The following ESR2 variants were observed in gnomAD, a reference collection of about 807,000 sequenced individuals.
The protein encoded by ESR2 is estrogen receptor beta.
A neutral mutation model predicts 49.6 loss-of-function variants in ESR2; 36 were observed. That is an observed-to-expected ratio of 0.73 (90% CI 0.56 to 0.96). ESR2 has a LOEUF of 0.96. Among genes scored for constraint, ESR2 ranks in the 40% least tolerant of loss-of-function variants. The probability of loss-of-function intolerance (pLI) is 0.00; values close to 1 mark genes in which losing one functional copy is unlikely to be tolerated. For synonymous variants in ESR2, 320 were observed against 266.1 expected (o/e 1.20, Z -1.97); for missense variants, 714 against 693.0 (o/e 1.03, Z -0.34).
intron 1 of ESR2, among the ~76,000 whole-genome samples, chr14:64,302,744 G>C (rs552352033): frequency 7.6e-4 from 116 of 152,294 alleles, no homozygotes; most frequent in Middle Eastern, 3.4e-3. Context: ...ACAAGCTTCA[G>C]CAGCATGCAA....
intron 3 of ESR2, among the ~76,000 whole-genome samples, chr14:64,275,384 C>T (rs1247429467): frequency 6.6e-6 from 1 of 152,010 alleles, no homozygotes; most frequent in East Asian, 1.9e-4. Flanking sequence ...TTGGTCTGGT[C>T]TAAGTATAGC....
chr14:64,330,717 C>T (rs2077444949), intron 1 of ESR2: 1 of 152,148 alleles, frequency 6.6e-6, no homozygotes, highest in Non-Finnish European at 1.5e-5. Flanking sequence ...ACAGAAACAT[C>T]CAGAATAATG....
chr14:64,297,975 T>C (rs778004198), upstream of ESR2, among the ~76,000 whole-genome samples: 5 of 152,202 alleles, frequency 3.3e-5, no homozygotes, highest in Admixed American at 2.6e-4. Flanking sequence ...CCTACACTTA[T>C]GGAATTAATA....
chr14:64,234,894 C>G, intron 8 of ESR2, 76 bp downstream of exon 8: 1 of 1,564,908 alleles, frequency 6.4e-7, no homozygotes, highest in Non-Finnish European at 8.7e-7. Flanking sequence ...AGACACTTTT[C>G]CCAAATCACT....
chr14:64,326,626 C>T (rs1323858070), intron 1 of ESR2, among the ~76,000 whole-genome samples: 1 of 152,048 alleles, frequency 6.6e-6, no homozygotes, highest in Non-Finnish European at 1.5e-5. Flanking sequence ...TCTCAAGAGC[C>T]AGTTTACCAG....
At chr14:64,240,920 G>A (rs1220068387) in intron 7 of ESR2, among the ~76,000 whole-genome samples, 3 of 151,974 alleles carry the variant, frequency 2.0e-5, no homozygotes, top group Admixed American at 1.3e-4. Context: ...CGAGGCGGGC[G>A]GATCACGAGA....
intron 4 of ESR2, among the ~76,000 whole-genome samples, chr14:64,266,175 T>C (rs2076324089): frequency 6.6e-6 from 1 of 152,204 alleles, no homozygotes. Flanking sequence ...CTCTGTCTCA[T>C]GAAACAGTGT....
Position 64,228,528 on chromosome 14 carries a change from A to G in ESR2, c.*4609T>C, listed in dbSNP as rs999656897. Among the ~76,000 whole-genome samples the G allele has an allele frequency of 6.6e-6, 1 of 152,220 alleles. No homozygotes were observed. Among genetic ancestry groups the G allele is most frequent in the African/African-American group, 2.4e-5 (1 of 41,452 alleles). Reference sequence around the variant, plus strand: ...ATGAAGTCAACAAATTAGTGTAATGATACAAAGCATTCGTCTGAGAAAATG... The same window carrying G: ...ATGAAGTCAACAAATTAGTGTAATGGTACAAAGCATTCGTCTGAGAAAATG... On this transcript the variant is annotated 3_prime_UTR_variant, in exon 9 of 9. Transcript: ENST00000341099.
intron 1 of ESR2, among the ~76,000 whole-genome samples, chr14:64,283,894 C>G (rs2076737118): frequency 6.6e-6 from 1 of 151,308 alleles, no homozygotes; most frequent in Non-Finnish European, 1.5e-5. Context: ...TGTCACTTAT[C>G]AATCTGTTGC....
chr14:64,249,556 C>A lies in ESR2; in HGVS notation c.1215G>T (p.Leu405=), dbSNP rs778878210. The change falls in exon 7 of 9, where the codon CTG becomes CTT. Residue 405 remains leucine (L), a synonymous_variant. Transcript: ENST00000341099. ...TGTGTGATTACTTACTGGAATTGAG[C>A]AGGATCATGGCCTTGACACAGAGAT... The part of the protein sequence containing the change: ...KEYLCVKAMI[L]LNSSMYPLVT... The A allele has an allele frequency of 6.2e-7, 1 of 1,613,592 alleles. No homozygotes were observed. The highest frequency in any genetic ancestry group is 1.1e-5 in the South Asian group (1 of 90,940).
intron 1 of ESR2, among the ~76,000 whole-genome samples, chr14:64,292,646 A>G (rs571298128): frequency 1.3e-5 from 2 of 152,326 alleles, no homozygotes; most frequent in East Asian, 3.9e-4. Context: ...ATCCATATTT[A>G]TATTCTATAA....
At chr14:64,242,367 C>T (rs2075745739) in intron 7 of ESR2, among the ~76,000 whole-genome samples, 1 of 148,806 alleles carries the variant, frequency 6.7e-6, no homozygotes, top group Admixed American at 6.7e-5. Flanking sequence ...TGAGATAGCA[C>T]CAATGCACTC....
intron 6 of ESR2, among the ~76,000 whole-genome samples, chr14:64,255,296 ATG>A (rs2076076824): frequency 6.6e-6 from 1 of 152,078 alleles, no homozygotes; most frequent in African/African-American, 2.4e-5. Flanking sequence ...ATTTATACAT[ATG>A]TATATTTGGC....
In ESR2 at chr14:64,260,555, G is replaced by A. The variant is rs757821946; in HGVS notation, c.846C>T (p.Ile282=). The A allele has an allele frequency of 5.7e-6, 9 of 1,586,486 alleles. No homozygotes were observed. In the South Asian group the frequency reaches 9.1e-5, roughly 16 times the overall value. ...CGGTGAAGGGCGCACTGGGGCGGCTGATCAGCACATGGGGCGGCTCAGCCT... is the reference window on the plus strand; with the variant it reads ...CGGTGAAGGGCGCACTGGGGCGGCTAATCAGCACATGGGGCGGCTCAGCCT... ...LLEAEPPHVL[I]SRPSAPFTEA... Residue 282 remains isoleucine (I), a synonymous_variant, in exon 5 of 9, where the codon ATC becomes ATT. Coordinates refer to ENST00000341099, the MANE Select transcript of ESR2 (RefSeq NM_001437.3).
chr14:64,275,054 A>C (rs980952419), intron 3 of ESR2, among the ~76,000 whole-genome samples: 4 of 152,222 alleles, frequency 2.6e-5, no homozygotes, highest in African/African-American at 9.6e-5. Context: ...TGCTGAGGAA[A>C]AGAATGTGTA....
chr14:64,322,780 CAATT>C (rs2077340788), intron 1 of ESR2, among the ~76,000 whole-genome samples: 1 of 152,070 alleles, frequency 6.6e-6, no homozygotes, highest in African/African-American at 2.4e-5. Context: ...TCATATTTGT[CAATT>C]AATCCCCTAG....
chr14:64,226,820 A>G (rs1332780168), downstream of ESR2: 1 of 151,664 alleles, frequency 6.6e-6, no homozygotes. Context: ...CCTCCTGAGT[A>G]GCTGGGATTA....
chr14:64,305,207 C>A (rs550908116), intron 1 of ESR2, among the ~76,000 whole-genome samples: 1 of 146,268 alleles, frequency 6.8e-6, no homozygotes, highest in Non-Finnish European at 1.5e-5. Flanking sequence ...AGGAGAATGG[C>A]GTGAACCCAG....
chr14:64,293,527 T>A (rs2076905970), intron 1 of ESR2, among the ~76,000 whole-genome samples: 1 of 152,200 alleles, frequency 6.6e-6, no homozygotes, highest in Non-Finnish European at 1.5e-5. Flanking sequence ...TAGAGGGCAG[T>A]TGTTGGACTC....
Sources: allele counts gnomAD v4.1 joint callset (sites outside exome capture counted in the v4.1 genomes callset), GRCh38; gene constraint gnomAD v4.1.1; transcripts MANE v1.5; gene names NCBI Gene and HGNC (gene_info 2026-07-23, HGNC 2026-07-21).